PPFIA2: variants seen among roughly 807,000 people sequenced by gnomAD.
PPFIA2 encodes PPFI scaffold protein A2, also known as liprin-alpha-2.
In PPFIA2, 46 loss-of-function variants were observed where a neutral mutation model predicts 175.5. The observed-to-expected ratio is 0.26, with a 90% confidence interval of 0.21 to 0.34. The LOEUF is 0.34. PPFIA2 is among the 10% of genes least tolerant of loss of function. The pLI is 1.00. For missense variants in PPFIA2, 1,179 were observed against 1,506.1 expected, an observed-to-expected ratio of 0.78 and a Z score of 3.60; for synonymous variants, 568 against 511.4, an observed-to-expected ratio of 1.11 and a Z score of -1.49.
chr12:81,479,906 G>A (rs2057991703), intron 4 of PPFIA2, among the ~76,000 whole-genome samples: 1 of 152,074 alleles, frequency 6.6e-6, no homozygotes, highest in Non-Finnish European at 1.5e-5. Context: ...TTCTCGAGGA[G>A]TCTCTTTGTG....
chr12:81,733,884 T>A (rs898646142), intron 3 of PPFIA2, among the ~76,000 whole-genome samples: 1 of 151,786 alleles, frequency 6.6e-6, no homozygotes, highest in Non-Finnish European at 1.5e-5. Context: ...AGCAACATTT[T>A]ATCCTGTAAC....
chr12:81,605,204 G>C (rs1360093206), intron 4 of PPFIA2, among the ~76,000 whole-genome samples: 5 of 151,606 alleles, frequency 3.3e-5, no homozygotes, highest in Non-Finnish European at 5.9e-5. Flanking sequence ...TTCATTTGTG[G>C]GTAAAGCTCA....
At chr12:81,512,077 A>C (rs1305296766) in intron 4 of PPFIA2, among the ~76,000 whole-genome samples, 2 of 152,110 alleles carry the variant, frequency 1.3e-5, no homozygotes, top group Non-Finnish European at 2.9e-5. Context: ...GAATCTCTCA[A>C]GGCCTATAGA....
At chr12:81,517,674 A>G (rs1445193839) in intron 4 of PPFIA2, among the ~76,000 whole-genome samples, 1 of 152,112 alleles carries the variant, frequency 6.6e-6, no homozygotes, top group Non-Finnish European at 1.5e-5. Context: ...ATATTCTGCA[A>G]TTCTTCAAGG....
chr12:81,263,178 C>T, intron 31 of PPFIA2, 53 bp downstream of exon 31: 1 of 1,480,874 alleles, frequency 6.8e-7, no homozygotes, highest in South Asian at 1.2e-5. Context: ...ATTATACTAG[C>T]TTTGGCTAAA....
chr12:81,720,804 T>C (rs150462974), intron 3 of PPFIA2, among the ~76,000 whole-genome samples: 4 of 151,418 alleles, frequency 2.6e-5, no homozygotes, highest in East Asian at 3.9e-4. Context: ...CTGACTTGTA[T>C]ACACTTAATA....
At chr12:81,648,721 A>T (rs935488137) in intron 4 of PPFIA2, among the ~76,000 whole-genome samples, 9 of 151,990 alleles carry the variant, frequency 5.9e-5, no homozygotes, top group Non-Finnish European at 1.3e-4. Flanking sequence ...TAAGAACAAA[A>T]TTGTAGCTCT....
chr12:81,267,728 A>T lies in PPFIA2; in HGVS notation c.3486+184T>A, dbSNP rs71437085. ...AATCCCTTTCTTGTTTAATTGTATG[A>T]TTTTTTTTTTTTTTTTTTTGGCTAG... On this transcript the variant is annotated intron_variant, in intron 29 of 32. Transcript: ENST00000549396. Among the ~76,000 whole-genome samples, 332 of 77,744 alleles carry T rather than the reference A, an allele frequency of 4.3e-3. 5 individuals are homozygous for T. Among genetic ancestry groups the T allele is most frequent in the African/African-American group, 7.7e-3 (202 of 26,146 alleles). The allele number at this position is 77,744 out of a possible 152,430, so 51.0% of individuals were successfully genotyped here.
chr12:81,363,149 T>C (rs2031611900), intron 14 of PPFIA2, among the ~76,000 whole-genome samples: 1 of 151,502 alleles, frequency 6.6e-6, no homozygotes, highest in African/African-American at 2.4e-5. Flanking sequence ...GAACTTTCAT[T>C]ATTCTATGAG....
At chr12:81,717,385 C>T (rs2078768258) in intron 3 of PPFIA2, among the ~76,000 whole-genome samples, 1 of 151,540 alleles carries the variant, frequency 6.6e-6, no homozygotes, top group South Asian at 2.1e-4. Context: ...TAGCTTCAGG[C>T]CTAAATCATC....
intron 7 of PPFIA2, among the ~76,000 whole-genome samples, chr12:81,414,447 C>A (rs2044572724): frequency 6.6e-6 from 1 of 151,528 alleles, no homozygotes; most frequent in Non-Finnish European, 1.5e-5. Context: ...TAAACTTACC[C>A]TGAAAAAAAA....
At chr12:81,515,011 G>A (rs2062236090) in intron 4 of PPFIA2, among the ~76,000 whole-genome samples, 1 of 151,782 alleles carries the variant, frequency 6.6e-6, no homozygotes, top group Non-Finnish European at 1.5e-5. Context: ...ATCATATACA[G>A]CTAAAATAAA....
At chr12:81,301,321 C>T (rs957219544) in intron 22 of PPFIA2, among the ~76,000 whole-genome samples, 7 of 152,068 alleles carry the variant, frequency 4.6e-5, no homozygotes, top group South Asian at 2.1e-4. Context: ...AGGTTTGTGA[C>T]ATTAAAAGGG....
At chr12:81,712,345 A>T (rs2078047761) in intron 3 of PPFIA2, among the ~76,000 whole-genome samples, 1 of 151,386 alleles carries the variant, frequency 6.6e-6, no homozygotes, top group Admixed American at 6.7e-5. Context: ...CAAAGTACTT[A>T]ATATTTTCTA....
At chr12:81,457,681 T>C (rs182599929) in intron 5 of PPFIA2, 84 bp downstream of exon 5, 5 of 736,544 alleles carry the variant, frequency 6.8e-6, no homozygotes, top group Admixed American at 3.2e-5. Flanking sequence ...TTAAAATGCA[T>C]ATATTTTCTT....
At chr12:81,652,720 T>G (rs2067202610) in intron 4 of PPFIA2, among the ~76,000 whole-genome samples, 1 of 152,088 alleles carries the variant, frequency 6.6e-6, no homozygotes, top group Admixed American at 6.6e-5. Flanking sequence ...TTTCCTCCCA[T>G]CTTTCTACTT....
chr12:81,681,105 A>G (rs1705074742), intron 3 of PPFIA2, among the ~76,000 whole-genome samples: 1 of 152,028 alleles, frequency 6.6e-6, no homozygotes, highest in African/African-American at 2.4e-5. Flanking sequence ...TCGAATCTGT[A>G]GAAGTGTAGC....
Position 81,329,477 on chromosome 12 carries a change from T to C in PPFIA2, c.2549-3607A>G, listed in dbSNP as rs180774496. On this transcript the variant is annotated intron_variant, in intron 21 of 32. Transcript: ENST00000549396. Reference sequence around the variant, plus strand: ...AGGTGTGACAGGCACAGTCAAGGATTTTTTTTTGCCAGCCCCTCTTCCTGT... The same window carrying C: ...AGGTGTGACAGGCACAGTCAAGGATCTTTTTTTGCCAGCCCCTCTTCCTGT... Among the ~76,000 whole-genome samples the C allele has an allele frequency of 4.8e-3, 730 of 152,026 alleles. 5 individuals carry two copies. Among genetic ancestry groups the C allele is most frequent in the South Asian group, 0.016 (78 of 4,800 alleles).
At chr12:81,719,821 T>C (rs1334625809) in intron 3 of PPFIA2, among the ~76,000 whole-genome samples, 1 of 151,408 alleles carries the variant, frequency 6.6e-6, no homozygotes, top group Non-Finnish European at 1.5e-5. Flanking sequence ...AAGCAACATA[T>C]TGCTGATAAA....
Sources: gnomAD v4.1 joint callset for allele counts (sites outside exome capture counted in the v4.1 genomes callset) on GRCh38, gnomAD v4.1.1 for gene constraint, MANE v1.5 for transcripts, NCBI Gene and HGNC (gene_info 2026-07-23, HGNC 2026-07-21) for gene names.